The following NELL1 variants were observed in gnomAD, a reference collection of about 807,000 sequenced individuals.
NELL1 encodes neural EGFL like 1, also known as protein kinase C-binding protein NELL1.
NELL1 carries 76 observed loss-of-function variants against 107.4 expected under a neutral mutation model. That is an observed-to-expected ratio of 0.71 (90% CI 0.59 to 0.86). The LOEUF is 0.86. NELL1 is among the 40% of genes least tolerant of loss of function. The pLI, the probability that NELL1 is intolerant of heterozygous loss-of-function variation, is 0.00. For missense variants in NELL1, 1,024 were observed against 1,005.5 expected, an observed-to-expected ratio of 1.02 and a Z score of -0.25; for synonymous variants, 353 against 341.2, an observed-to-expected ratio of 1.03 and a Z score of -0.38.
At chr11:21,303,699 AC>A (rs1849547152) in intron 14 of NELL1, among the ~76,000 whole-genome samples, 1 of 152,118 alleles carries the variant, frequency 6.6e-6, no homozygotes, top group Admixed American at 6.6e-5. Flanking sequence ...CCAAAAAGAT[AC>A]ATGCACTTGT....
At chr11:21,390,989 T>G (rs567964910) in intron 15 of NELL1, among the ~76,000 whole-genome samples, 32 of 151,888 alleles carry the variant, frequency 2.1e-4, no homozygotes, top group African/African-American at 6.5e-4. Flanking sequence ...TATTTATCCT[T>G]TTCTGGATTA....
At chr11:21,343,392 A>G (rs1850618433) in intron 14 of NELL1, among the ~76,000 whole-genome samples, 1 of 151,618 alleles carries the variant, frequency 6.6e-6, no homozygotes, top group Admixed American at 6.6e-5. Flanking sequence ...ATCTTTCTTC[A>G]CCTAGCCTAC....
intron 15 of NELL1, among the ~76,000 whole-genome samples, chr11:21,455,312 C>CT (rs1564902597): frequency 3.2e-5 from 3 of 93,388 alleles, no homozygotes; most frequent in Non-Finnish European, 4.2e-5. Flanking sequence ...TTTTTTTTTT[C>CT]TTTTATTCTT....
chr11:21,325,129 C>G (rs1000767398), intron 14 of NELL1, among the ~76,000 whole-genome samples: 16 of 152,052 alleles, frequency 1.1e-4, no homozygotes, highest in Non-Finnish European at 1.9e-4. Flanking sequence ...CAAAAAAGTA[C>G]AAATGCACCG....
chr11:21,490,391 C>G (rs1475448744), intron 15 of NELL1, among the ~76,000 whole-genome samples: 1 of 149,164 alleles, frequency 6.7e-6, no homozygotes, highest in Non-Finnish European at 1.5e-5. Context: ...TCAATTCAAT[C>G]CCTATCGAAA....
At chr11:21,531,185 A>G (rs947878121) in intron 15 of NELL1, among the ~76,000 whole-genome samples, 2 of 152,186 alleles carry the variant, frequency 1.3e-5, no homozygotes, top group African/African-American at 4.8e-5. Flanking sequence ...ACACACACAC[A>G]TATACGTATA....
chr11:20,700,462 G>C (rs966008623), intron 2 of NELL1, among the ~76,000 whole-genome samples: 1 of 151,772 alleles, frequency 6.6e-6, no homozygotes, highest in Non-Finnish European at 1.5e-5. Context: ...CTGAGCAACA[G>C]AGTGAGACTC....
intron 14 of NELL1, among the ~76,000 whole-genome samples, chr11:21,316,006 A>G (rs570215106): frequency 3.3e-5 from 5 of 152,222 alleles, no homozygotes; most frequent in Admixed American, 6.6e-5. Context: ...TATTCTTTCC[A>G]TAAGTTTTCT....
intron 13 of NELL1, among the ~76,000 whole-genome samples, chr11:21,175,106 C>T (rs767445941): frequency 6.6e-6 from 1 of 151,748 alleles, no homozygotes; most frequent in Non-Finnish European, 1.5e-5. Context: ...TACTGAATTG[C>T]TGTCTAAAAT....
At chr11:21,090,138 AT>A (rs1854488248) in intron 12 of NELL1, among the ~76,000 whole-genome samples, 1 of 152,168 alleles carries the variant, frequency 6.6e-6, no homozygotes, top group Admixed American at 6.5e-5. Context: ...CAGAAAATAA[AT>A]AGAGTCTACA....
chr11:21,534,496 T>A lies in NELL1; in HGVS notation c.1768T>A (p.Ser590Thr). Residue 590 changes from serine to threonine, a missense_variant, in exon 16 of 20, where the codon TCC becomes ACC. Coordinates refer to ENST00000357134, the MANE Select transcript of NELL1 (RefSeq NM_006157.5). ...CCATGACGATGGGACCTATTCACTG[T>A]CCGGGGAGTCCTGTATTGGTAAGCA... is the stretch of plus-strand genomic sequence containing the variant. Reference protein sequence around the residue: ...GFHDDGTYSLSGESCIDIDEC... With the variant: ...GFHDDGTYSLTGESCIDIDEC... The A allele has an allele frequency of 1.2e-6, 2 of 1,613,768 alleles. No homozygotes were observed. Among genetic ancestry groups the A allele is most frequent in the Non-Finnish European group, 1.7e-6 (2 of 1,179,778 alleles).
At chr11:21,225,976 C>T (rs1432397282) in intron 13 of NELL1, among the ~76,000 whole-genome samples, 1 of 152,154 alleles carries the variant, frequency 6.6e-6, no homozygotes, top group Non-Finnish European at 1.5e-5. Flanking sequence ...AATTGGCAAA[C>T]CAGGATCTTC....
At chr11:21,462,724 C>T (rs1853929444) in intron 15 of NELL1, among the ~76,000 whole-genome samples, 1 of 152,030 alleles carries the variant, frequency 6.6e-6, no homozygotes, top group South Asian at 2.1e-4. Context: ...GTGATGACTT[C>T]TGAGAGTCAA....
chr11:21,081,795 T>C (rs1392231325), intron 12 of NELL1, among the ~76,000 whole-genome samples: 1 of 152,190 alleles, frequency 6.6e-6, no homozygotes. Context: ...CAGAGTGATC[T>C]TCGTAAAAAG....
rs1554906533 is a variant in NELL1 at position 20,721,177 on chromosome 11, T to TAG, written c.184+43117_184+43118insAG. Among the ~76,000 whole-genome samples the TAG allele has an allele frequency of 8.8e-5, 3 of 34,020 alleles. No individual in the cohort carries two copies. In the East Asian group the frequency reaches 4.3e-3, roughly 49 times the overall value. The allele number at this position is 34,020 out of a possible 152,430, so 22.3% of individuals were successfully genotyped here. A position where few individuals can be genotyped will look rare whatever the true frequency, so the allele number is the denominator to read the frequency against. The stretch of plus-strand genomic sequence containing the variant: ...AACCAATGAGATATAGATATATATT[T>TAG]TGTGTATATATATATATATAGTGTA... On this transcript the variant is annotated intron_variant, in intron 2 of 19. Transcript: ENST00000357134.
chr11:20,882,356 A>C (rs1480643116), intron 4 of NELL1, among the ~76,000 whole-genome samples: 2 of 152,188 alleles, frequency 1.3e-5, no homozygotes, highest in African/African-American at 4.8e-5. Flanking sequence ...ATTGTTTTGC[A>C]TGTGTGAATT....
chr11:21,564,969 G>T (rs1337176658), intron 17 of NELL1, among the ~76,000 whole-genome samples: 1 of 151,840 alleles, frequency 6.6e-6, no homozygotes, highest in Admixed American at 6.6e-5. Context: ...GATCCACAAG[G>T]AGCAGTCAGC....
intron 12 of NELL1, among the ~76,000 whole-genome samples, chr11:21,062,061 T>C (rs982362520): frequency 3.3e-5 from 5 of 152,306 alleles, no homozygotes; most frequent in African/African-American, 1.2e-4. Context: ...TTTCAAATGT[T>C]TAGAACTATG....
intron 15 of NELL1, among the ~76,000 whole-genome samples, chr11:21,531,502 A>G (rs779768152): frequency 6.1e-4 from 93 of 152,172 alleles, no homozygotes; most frequent in Non-Finnish European, 1.2e-3. Context: ...ACAGAAATGA[A>G]TACTCCATAG....
Sources: gnomAD v4.1 joint callset for allele counts (sites outside exome capture counted in the v4.1 genomes callset) on GRCh38, gnomAD v4.1.1 for gene constraint, MANE v1.5 for transcripts, NCBI Gene and HGNC (gene_info 2026-07-23, HGNC 2026-07-21) for gene names.